The following KIF6 variants were observed in gnomAD, a reference collection of about 807,000 sequenced individuals.
KIF6 encodes the protein kinesin-like protein KIF6.
A neutral mutation model predicts 112.7 loss-of-function variants in KIF6; 106 were observed. The observed-to-expected ratio is 0.94, with a 90% CI of 0.80 to 1.11. The LOEUF (loss-of-function observed/expected upper bound fraction) is 1.11. KIF6 is among the 50% of genes least tolerant of loss of function. The pLI is 0.00. For synonymous variants in KIF6, 339 were observed against 339.9 expected (o/e 1.00, Z 0.03); for missense variants, 929 against 964.0 (o/e 0.96, Z 0.48).
At chr6:39,688,316 A>C (rs561588221) in intron 3 of KIF6, among the ~76,000 whole-genome samples, 29 of 152,318 alleles carry the variant, frequency 1.9e-4, no homozygotes, top group Admixed American at 3.9e-4. Flanking sequence ...AAGGGAAGAC[A>C]GGAGATCTCT....
chr6:39,558,904 C>T (rs1309329991), intron 10 of KIF6, among the ~76,000 whole-genome samples: 1 of 152,108 alleles, frequency 6.6e-6, no homozygotes, highest in Non-Finnish European at 1.5e-5. Context: ...AGAAACAGCC[C>T]TGAGATGGAG....
At chr6:39,537,150 TGGCACAA>T (rs1489383920) in intron 13 of KIF6, among the ~76,000 whole-genome samples, 3 of 152,122 alleles carry the variant, frequency 2.0e-5, no homozygotes, top group African/African-American at 4.8e-5. Context: ...CTTTGAAAAC[TGGCACAA>T]GACAGGGATG....
chr6:39,567,758 C>G (rs1447124155), intron 10 of KIF6, among the ~76,000 whole-genome samples: 3 of 152,206 alleles, frequency 2.0e-5, no homozygotes, highest in Non-Finnish European at 1.5e-5. Flanking sequence ...CAGGCACCCA[C>G]CACCGCGCCT....
chr6:39,400,883 T>C (rs75594135), intron 15 of KIF6, among the ~76,000 whole-genome samples: 4,118 of 152,340 alleles, frequency 0.027, 172 homozygotes, highest in African/African-American at 0.089. Context: ...ATACACTTGA[T>C]GTAATGATTT....
chr6:39,583,783 G>T (rs1168434442), intron 9 of KIF6, among the ~76,000 whole-genome samples: 4 of 137,520 alleles, frequency 2.9e-5, no homozygotes, highest in Non-Finnish European at 6.1e-5. Flanking sequence ...TTTGAAAAAT[G>T]ATGCAATCTT....
At position 39,337,776 on chromosome 6, in the gene KIF6, AG is replaced by A. The variant is rs1763112789; in HGVS notation, c.2429-1229del. Among the ~76,000 whole-genome samples the A allele has an allele frequency of 2.0e-5, 3 of 152,320 alleles. No individual in the cohort carries two copies. In the South Asian group the frequency reaches 6.2e-4, roughly 32 times the overall value. On this transcript the variant is annotated intron_variant, in intron 22 of 22. Transcript: ENST00000287152. ...GAGAGGGTTCTCTGGATTGAGAACC[AG>A]GGCCCTTGCGTTCTAGCCAGGACAG...
intron 15 of KIF6, among the ~76,000 whole-genome samples, chr6:39,388,794 T>C (rs1224741433): frequency 1.3e-5 from 2 of 151,882 alleles, no homozygotes; most frequent in Non-Finnish European, 2.9e-5. Flanking sequence ...TCCAGAGGTA[T>C]GGAAAAGAGA....
intron 5 of KIF6, among the ~76,000 whole-genome samples, chr6:39,628,084 C>G (rs988858529): frequency 6.6e-6 from 1 of 152,036 alleles, no homozygotes; most frequent in African/African-American, 2.4e-5. Flanking sequence ...TCACATACAG[C>G]TATAAGAAAT....
chr6:39,537,946 G>C (rs1282192074), intron 13 of KIF6, among the ~76,000 whole-genome samples: 1 of 152,158 alleles, frequency 6.6e-6, no homozygotes. Context: ...TGACAAACCT[G>C]AGAAAAATAA....
intron 15 of KIF6, among the ~76,000 whole-genome samples, chr6:39,389,775 A>G (rs1378134742): frequency 6.6e-6 from 1 of 152,132 alleles, no homozygotes; most frequent in African/African-American, 2.4e-5. Context: ...TCATGCCTGT[A>G]ATCCCAGCAC....
chr6:39,676,852 GA>G (rs1176657041), intron 3 of KIF6, among the ~76,000 whole-genome samples: 8 of 151,774 alleles, frequency 5.3e-5, no homozygotes, highest in Admixed American at 3.9e-4. Context: ...AAAAGGCACA[GA>G]AAAAAAGGTT....
At chr6:39,574,046 T>C (rs1780789041) in intron 10 of KIF6, among the ~76,000 whole-genome samples, 1 of 152,244 alleles carries the variant, frequency 6.6e-6, no homozygotes, top group Non-Finnish European at 1.5e-5. Flanking sequence ...TTCTCATCTA[T>C]AGATCAACAG....
chr6:39,457,903 C>T (rs1773238663), intron 13 of KIF6, among the ~76,000 whole-genome samples: 3 of 150,400 alleles, frequency 2.0e-5, no homozygotes, highest in African/African-American at 7.4e-5. Context: ...AAAAAGAGTC[C>T]AGGACCAGAT....
intron 13 of KIF6, among the ~76,000 whole-genome samples, chr6:39,485,084 C>G (rs374020248): frequency 2.6e-5 from 4 of 152,288 alleles, no homozygotes; most frequent in South Asian, 4.1e-4. Context: ...GTGAGGTTGC[C>G]CATTGTCCCA....
chr6:39,418,577 G>T (rs1770101389), intron 15 of KIF6, among the ~76,000 whole-genome samples: 1 of 152,142 alleles, frequency 6.6e-6, no homozygotes, highest in South Asian at 2.1e-4. Flanking sequence ...CTTCCACTGG[G>T]TTCATCATTG....
chr6:39,696,279 C>T (rs1788533231), intron 3 of KIF6, among the ~76,000 whole-genome samples: 2 of 152,066 alleles, frequency 1.3e-5, no homozygotes, highest in South Asian at 4.2e-4. Context: ...GCACATGTAC[C>T]CCTGAATCTA....
intron 6 of KIF6, among the ~76,000 whole-genome samples, chr6:39,596,471 T>C (rs1343157856): frequency 2.0e-5 from 3 of 152,200 alleles, no homozygotes; most frequent in African/African-American, 7.2e-5. Context: ...GATGGGTTGA[T>C]TCAGAAAGTG....
At chr6:39,443,038 C>T (rs920226439) in intron 13 of KIF6, among the ~76,000 whole-genome samples, 11 of 151,072 alleles carry the variant, frequency 7.3e-5, no homozygotes, top group African/African-American at 2.4e-4. Flanking sequence ...GGCGTGAACC[C>T]GGGAGGTGGA....
At chr6:39,482,534 A>G (rs1774862095) in intron 13 of KIF6, among the ~76,000 whole-genome samples, 1 of 152,204 alleles carries the variant, frequency 6.6e-6, no homozygotes, top group Non-Finnish European at 1.5e-5. Context: ...AGAAATTTGC[A>G]TTATTTCTTT....
Sources: allele counts gnomAD v4.1 joint callset (sites outside exome capture counted in the v4.1 genomes callset), GRCh38; gene constraint gnomAD v4.1.1; transcripts MANE v1.5; gene names NCBI Gene and HGNC (gene_info 2026-07-23, HGNC 2026-07-21).